The following SDK1 variants were observed in gnomAD, a reference collection of about 807,000 sequenced individuals.
SDK1 encodes the protein protein sidekick-1.
Under a neutral mutation model 245.5 loss-of-function variants are expected in SDK1, and 157 were observed. The observed-to-expected ratio is 0.64, with a 90% confidence interval of 0.56 to 0.73. SDK1 has a LOEUF of 0.73. Among genes scored for constraint, SDK1 ranks in the 30% least tolerant of loss-of-function variants. SDK1 has a pLI of 0.00. For missense variants in SDK1, 3,583 were observed against 3,002.3 expected (o/e 1.19, Z -4.52); for synonymous variants, 1,647 against 1,278.5 (o/e 1.29, Z -6.15).
chr7:3,681,973 A>G (rs974262854), intron 4 of SDK1, among the ~76,000 whole-genome samples: 1 of 152,226 alleles, frequency 6.6e-6, no homozygotes, highest in African/African-American at 2.4e-5. Context: ...CTGAGAGCAT[A>G]ACATAATCAA....
At chr7:3,978,454 G>T (rs913027260) in intron 13 of SDK1, among the ~76,000 whole-genome samples, 1 of 152,136 alleles carries the variant, frequency 6.6e-6, no homozygotes, top group African/African-American at 2.4e-5. Flanking sequence ...AGAAATCTCT[G>T]CAAATTTGTG....
chr7:3,384,347 A>G (rs1781558889), intron 1 of SDK1, among the ~76,000 whole-genome samples: 1 of 152,186 alleles, frequency 6.6e-6, no homozygotes, highest in Non-Finnish European at 1.5e-5. Flanking sequence ...TTTTAATAAC[A>G]TATGCTGAAG....
At chr7:4,147,027 G>T (rs1181228652) in intron 29 of SDK1, among the ~76,000 whole-genome samples, 1 of 152,172 alleles carries the variant, frequency 6.6e-6, no homozygotes, top group Non-Finnish European at 1.5e-5. Flanking sequence ...TCCAGGGTTG[G>T]TGCCACAGGA....
intron 1 of SDK1, among the ~76,000 whole-genome samples, chr7:3,358,421 A>G (rs1409842079): frequency 7.4e-6 from 1 of 135,962 alleles, no homozygotes; most frequent in East Asian, 2.0e-4. Context: ...TTAGCTAATC[A>G]TTACAACGTT....
At chr7:3,371,399 C>G (rs929954634) in intron 1 of SDK1, among the ~76,000 whole-genome samples, 1 of 151,962 alleles carries the variant, frequency 6.6e-6, no homozygotes, top group Non-Finnish European at 1.5e-5. Context: ...GTGTCTCTCT[C>G]TGAAAATGGT....
intron 22 of SDK1, among the ~76,000 whole-genome samples, chr7:4,101,416 G>A (rs141552136): frequency 5.8e-4 from 88 of 152,228 alleles, no homozygotes; most frequent in Admixed American, 1.6e-3. Context: ...CAAAGTGCTG[G>A]GATTACAGGC....
intron 1 of SDK1, among the ~76,000 whole-genome samples, chr7:3,512,267 C>G (rs144453999): frequency 7.4e-4 from 113 of 152,104 alleles, no homozygotes; most frequent in African/African-American, 2.7e-3. Context: ...TTGTTTCCTC[C>G]CTGTGTTTTC....
chr7:3,668,244 TTGCTCCACC>T (rs1422349698), intron 4 of SDK1, among the ~76,000 whole-genome samples: 1 of 152,198 alleles, frequency 6.6e-6, no homozygotes, highest in Non-Finnish European at 1.5e-5. Context: ...AGGCTTATCT[TTGCTCCACC>T]TGGTGTCAGC....
At chr7:3,662,132 C>G (rs1783383474) in intron 4 of SDK1, among the ~76,000 whole-genome samples, 1 of 147,190 alleles carries the variant, frequency 6.8e-6, no homozygotes, top group Non-Finnish European at 1.5e-5. Context: ...TTCATCCCAT[C>G]TGGAGGCACA....
intron 5 of SDK1, among the ~76,000 whole-genome samples, chr7:3,917,031 C>G (rs767211232): frequency 2.0e-4 from 30 of 152,298 alleles, no homozygotes; most frequent in Non-Finnish European, 3.2e-4. Context: ...CAAATCTTTT[C>G]CATCTAAAAA....
chr7:3,745,661 C>G (rs115728020), intron 4 of SDK1, among the ~76,000 whole-genome samples: 3 of 152,018 alleles, frequency 2.0e-5, no homozygotes, highest in Admixed American at 6.6e-5. Flanking sequence ...CTCCCTCGAG[C>G]GACCCCTATA....
At chr7:3,675,332 G>A (rs4723014) in intron 4 of SDK1, among the ~76,000 whole-genome samples, 111,798 of 152,174 alleles carry the variant, frequency 0.73, 42,215 homozygotes, top group African/African-American at 0.93. Flanking sequence ...GTCGTCTACA[G>A]CTGGAATTAT....
intron 1 of SDK1, among the ~76,000 whole-genome samples, chr7:3,474,027 G>A (rs145843539): frequency 6.4e-4 from 94 of 147,304 alleles, no homozygotes; most frequent in African/African-American, 2.3e-3. Flanking sequence ...GAGGGTAGCT[G>A]CCTGCCATGT....
intron 1 of SDK1, among the ~76,000 whole-genome samples, chr7:3,537,701 G>A (rs1778927423): frequency 6.6e-6 from 1 of 152,218 alleles, no homozygotes; most frequent in South Asian, 2.1e-4. Context: ...TGATCTGTCT[G>A]TGCTGTGGAG....
intron 35 of SDK1, among the ~76,000 whole-genome samples, chr7:4,195,307 C>T (rs1051075736): frequency 2.6e-5 from 4 of 152,198 alleles, no homozygotes; most frequent in Non-Finnish European, 5.9e-5. Context: ...CCAGTGGGTG[C>T]TCGCGTCCCC....
intron 5 of SDK1, among the ~76,000 whole-genome samples, chr7:3,870,420 A>G (rs1471506736): frequency 6.6e-6 from 1 of 152,204 alleles, no homozygotes; most frequent in African/African-American, 2.4e-5. Flanking sequence ...ATACTGAACA[A>G]GAAGGACTTA....
At chr7:3,692,101 T>A (rs1006195572) in intron 4 of SDK1, among the ~76,000 whole-genome samples, 11 of 152,136 alleles carry the variant, frequency 7.2e-5, no homozygotes, top group African/African-American at 2.4e-4. Flanking sequence ...TATAATTGAG[T>A]TGGAAGACAG....
chr7:3,533,151 C>A (rs1254278692), intron 1 of SDK1, among the ~76,000 whole-genome samples: 4 of 152,178 alleles, frequency 2.6e-5, no homozygotes, highest in Non-Finnish European at 4.4e-5. Context: ...CAGTGCAAAC[C>A]TTGAGTGCAT....
chr7:3,940,021 G>C (rs986589354), intron 5 of SDK1, among the ~76,000 whole-genome samples: 1 of 152,234 alleles, frequency 6.6e-6, no homozygotes, highest in South Asian at 2.1e-4. Context: ...AGACTCACCA[G>C]TTCCTGTGCT....
Sources: allele counts gnomAD v4.1 joint callset (sites outside exome capture counted in the v4.1 genomes callset), GRCh38; gene constraint gnomAD v4.1.1; transcripts MANE v1.5; gene names NCBI Gene and HGNC (gene_info 2026-07-23, HGNC 2026-07-21).